GSE1: variants seen among roughly 807,000 people sequenced by gnomAD.
GSE1 encodes genetic suppressor element 1.
GSE1 carries 32 observed loss-of-function variants against 112.6 expected under a neutral mutation model. The ratio of observed to expected loss-of-function variants is 0.28; its 90% CI spans 0.21 to 0.38. The LOEUF (loss-of-function observed/expected upper bound fraction) is 0.38. GSE1 is among the 10% of genes least tolerant of loss of function. The probability of loss-of-function intolerance (pLI) is 1.00; values close to 1 mark genes in which losing one functional copy is unlikely to be tolerated. For synonymous variants in GSE1, 1,115 were observed against 735.6 expected, an observed-to-expected ratio of 1.52 and a Z score of -8.35; for missense variants, 2,348 against 1,699.2, an observed-to-expected ratio of 1.38 and a Z score of -6.71.
At chr16:85,627,787 T>A (rs988183593) in intron 1 of GSE1, among the ~76,000 whole-genome samples, 2 of 152,162 alleles carry the variant, frequency 1.3e-5, no homozygotes, top group East Asian at 3.9e-4. Flanking sequence ...ATTCAGTCAA[T>A]GTCCAGGAGC....
intron 2 of GSE1, among the ~76,000 whole-genome samples, chr16:85,385,314 C>T (rs2047663771): frequency 1.3e-5 from 2 of 152,334 alleles, no homozygotes; most frequent in Admixed American, 1.3e-4. Context: ...CTCTCAACTG[C>T]CCCTTGCCCC....
intron 1 of GSE1, among the ~76,000 whole-genome samples, chr16:85,294,593 TG>T (rs1201300556): frequency 1.3e-5 from 2 of 150,236 alleles, no homozygotes. Flanking sequence ...TCAGCCTTCC[TG>T]GATCTTGCCA....
At chr16:85,422,507 G>GAGC (rs2048871767) in intron 2 of GSE1, among the ~76,000 whole-genome samples, 1 of 152,130 alleles carries the variant, frequency 6.6e-6, no homozygotes, top group African/African-American at 2.4e-5. Context: ...GGAGGAGGAG[G>GAGC]AGCAGCGTGC....
At chr16:85,591,834 C>T (rs928291692) in intron 1 of GSE1, among the ~76,000 whole-genome samples, 1 of 152,362 alleles carries the variant, frequency 6.6e-6, no homozygotes, top group African/African-American at 2.4e-5. Context: ...TCCCGTGTTC[C>T]TGGAGCTGAC....
chr16:85,658,441 T>A (rs1166763413), intron 8 of GSE1, among the ~76,000 whole-genome samples: 1 of 152,222 alleles, frequency 6.6e-6, no homozygotes, highest in East Asian at 1.9e-4. Flanking sequence ...TGAGCATCTT[T>A]CCAGCTCTCA....
intron 1 of GSE1, among the ~76,000 whole-genome samples, chr16:85,209,482 G>A (rs562659320): frequency 1.3e-5 from 2 of 152,048 alleles, no homozygotes; most frequent in African/African-American, 4.8e-5. Context: ...CCCAGCTGGC[G>A]TGCATCCCCC....
chr16:85,597,087 C>A (rs985470605), intron 1 of GSE1, among the ~76,000 whole-genome samples: 1 of 151,856 alleles, frequency 6.6e-6, no homozygotes, highest in African/African-American at 2.4e-5. Flanking sequence ...AAGCAATCCT[C>A]CCTGCCTCAG....
upstream of GSE1, chr16:85,555,436 G>A (rs578247439): frequency 3.1e-4 from 307 of 982,960 alleles, no homozygotes; most frequent in Admixed American, 9.2e-4. Context: ...GAGGGGAGCC[G>A]GCTCCCCAGC....
chr16:85,496,441 G>GA (rs1357878184), intron 2 of GSE1, among the ~76,000 whole-genome samples: 1 of 152,202 alleles, frequency 6.6e-6, no homozygotes, highest in Non-Finnish European at 1.5e-5. Context: ...TCCAGAGAGG[G>GA]AACCATTACT....
intron 1 of GSE1, among the ~76,000 whole-genome samples, chr16:85,312,593 G>A (rs1207479952): frequency 6.6e-6 from 1 of 152,174 alleles, no homozygotes; most frequent in East Asian, 1.9e-4. Context: ...TTAACTTCCT[G>A]ACATCTGCAA....
At chr16:85,336,807 C>T (rs2046496806) in intron 1 of GSE1, among the ~76,000 whole-genome samples, 1 of 152,204 alleles carries the variant, frequency 6.6e-6, no homozygotes, top group Admixed American at 6.5e-5. Flanking sequence ...CATGCTCACA[C>T]ACAAGGCACT....
chr16:85,385,412 G>A (rs76827530), intron 2 of GSE1, among the ~76,000 whole-genome samples: 11 of 152,200 alleles, frequency 7.2e-5, no homozygotes, highest in Admixed American at 4.6e-4. Flanking sequence ...GGGGCCAGAC[G>A]CCTGGACAGA....
At chr16:85,640,386 C>T (rs997184673) in intron 2 of GSE1, among the ~76,000 whole-genome samples, 10 of 152,240 alleles carry the variant, frequency 6.6e-5, no homozygotes, top group Non-Finnish European at 1.0e-4. Flanking sequence ...GCCACAGGGA[C>T]GGGGCCGACA....
intron 1 of GSE1, among the ~76,000 whole-genome samples, chr16:85,249,270 C>T (rs560648434): frequency 7.9e-5 from 12 of 152,352 alleles, no homozygotes; most frequent in African/African-American, 1.7e-4. Flanking sequence ...GCCCAGAGCC[C>T]GTCTCTGACT....
intron 2 of GSE1, among the ~76,000 whole-genome samples, chr16:85,442,644 C>T (rs1184630827): frequency 2.6e-5 from 4 of 152,154 alleles, no homozygotes; most frequent in Non-Finnish European, 4.4e-5. Context: ...GTGCCTGCTG[C>T]TGCAAACCCA....
chr16:85,526,790 A>T (rs958116711), intron 2 of GSE1, among the ~76,000 whole-genome samples: 1 of 152,230 alleles, frequency 6.6e-6, no homozygotes, highest in African/African-American at 2.4e-5. Flanking sequence ...ACAGGCGACC[A>T]GAGCCGATAA....
chr16:85,666,217 T>A lies in GSE1; in HGVS notation c.3000T>A (p.Ile1000=). ...HYIRGAAPKD[I]PVPLSHSTNG... is the part of the protein sequence containing the mutation. ...TCCGGGGCGCTGCACCCAAGGACAT[T>A]CCTGTGCCGCTGTCCCACAGCACCA... Residue 1000 remains isoleucine, a synonymous_variant, in exon 13 of 16, where the codon ATT becomes ATA. Transcript: ENST00000253458. The A allele has an allele frequency of 6.2e-7, 1 of 1,613,672 alleles. No homozygotes were observed. The highest frequency in any genetic ancestry group is 8.5e-7 in the Non-Finnish European group (1 of 1,180,042).
At chr16:85,628,058 G>T (rs2049229350) in intron 1 of GSE1, among the ~76,000 whole-genome samples, 1 of 152,206 alleles carries the variant, frequency 6.6e-6, no homozygotes, top group Non-Finnish European at 1.5e-5. Context: ...GGGCCCTGGA[G>T]GCTGTGTCCA....
chr16:85,467,602 T>C (rs1228098897), intron 2 of GSE1, among the ~76,000 whole-genome samples: 3 of 152,162 alleles, frequency 2.0e-5, no homozygotes, highest in Non-Finnish European at 4.4e-5. Flanking sequence ...CTCAACCTGG[T>C]GGCTGGACAT....
Sources: allele counts gnomAD v4.1 joint callset (sites outside exome capture counted in the v4.1 genomes callset), GRCh38; gene constraint gnomAD v4.1.1; transcripts MANE v1.5; gene names NCBI Gene and HGNC (gene_info 2026-07-23, HGNC 2026-07-21).